Variants in DPF3 observed in about 807,000 individuals in gnomAD.
DPF3 encodes the protein zinc finger protein DPF3.
In DPF3, 18 loss-of-function variants were observed where a neutral mutation model predicts 56.8. That is an observed-to-expected ratio of 0.32 (90% CI 0.22 to 0.47). The LOEUF is 0.47. DPF3 is among the 20% of genes least tolerant of loss of function. DPF3 has a pLI of 1.00. For synonymous variants in DPF3, 188 were observed against 180.2 expected, an observed-to-expected ratio of 1.04 and a Z score of -0.35; for missense variants, 403 against 488.8, an observed-to-expected ratio of 0.82 and a Z score of 1.65.
intron 1 of DPF3, among the ~76,000 whole-genome samples, chr14:72,858,592 G>A (rs944900118): frequency 1.3e-5 from 2 of 152,162 alleles, no homozygotes; most frequent in African/African-American, 2.4e-5. Context: ...GATAGGGGGT[G>A]GGGGAATGTA....
chr14:72,726,156 G>C (rs1016050060), intron 4 of DPF3, among the ~76,000 whole-genome samples: 9 of 152,212 alleles, frequency 5.9e-5, no homozygotes, highest in African/African-American at 2.2e-4. Context: ...CAAAGACATA[G>C]TATAAATATA....
intron 8 of DPF3, among the ~76,000 whole-genome samples, chr14:72,656,891 G>GACT (rs774233130): frequency 6.6e-6 from 1 of 152,166 alleles, no homozygotes; most frequent in Non-Finnish European, 1.5e-5. Flanking sequence ...AACTTAGCTT[G>GACT]ACTACTACCA....
intron 8 of DPF3, chr14:72,670,183 G>A: frequency 1.0e-6 from 1 of 985,984 alleles, no homozygotes; most frequent in South Asian, 4.7e-5. Flanking sequence ...CAAGGGGAGG[G>A]GAAACACACG....
intron 2 of DPF3, among the ~76,000 whole-genome samples, chr14:72,755,178 G>C (rs540209475): frequency 6.6e-6 from 1 of 152,198 alleles, no homozygotes; most frequent in Non-Finnish European, 1.5e-5. Flanking sequence ...ATCAAACACA[G>C]GTAAGTAAGA....
chr14:72,863,146 A>ATGTG (rs57171669), intron 1 of DPF3, among the ~76,000 whole-genome samples: 4,103 of 140,576 alleles, frequency 0.029, 117 homozygotes, highest in African/African-American at 0.054. Flanking sequence ...GTATATATAT[A>ATGTG]TGTGTGTGTG....
chr14:72,768,198 T>C (rs1891371045), intron 2 of DPF3, among the ~76,000 whole-genome samples: 1 of 152,188 alleles, frequency 6.6e-6, no homozygotes, highest in Non-Finnish European at 1.5e-5. Context: ...ATCTTGGAAC[T>C]TCAGTAAGTA....
chr14:72,704,564 A>C (rs1167338212), intron 6 of DPF3, among the ~76,000 whole-genome samples: 1 of 152,118 alleles, frequency 6.6e-6, no homozygotes, highest in Non-Finnish European at 1.5e-5. Flanking sequence ...CTACAATGTC[A>C]GTGTAAGCTC....
At chr14:72,622,286 C>T (rs767936980) in intron 9 of DPF3, among the ~76,000 whole-genome samples, 2 of 152,114 alleles carry the variant, frequency 1.3e-5, no homozygotes, top group Non-Finnish European at 2.9e-5. Context: ...GGTACTCCAA[C>T]TTTACAGGAC....
chr14:72,703,400 G>C (rs1356544221), intron 6 of DPF3, among the ~76,000 whole-genome samples: 1 of 152,130 alleles, frequency 6.6e-6, no homozygotes, highest in African/African-American at 2.4e-5. Flanking sequence ...TCAAGGGAGA[G>C]TGTCCTGCTT....
In DPF3 at chr14:72,893,423, C is replaced by A. The variant is rs1052905538; in HGVS notation, c.32+634G>T. On this transcript the variant is annotated intron_variant, in intron 1 of 10. Coordinates refer to ENST00000556509, the MANE Select transcript of DPF3 (RefSeq NM_001280542.3). ...GAGATCCGGGGGCTGCCGGGGAAAG[C>A]CCGGGGCGACCACCTGGGCCCCAGC... Among the ~76,000 whole-genome samples the A allele has an allele frequency of 2.6e-5, 4 of 152,230 alleles. No individual in the cohort carries two copies. The East Asian group carries it at 7.8e-4, about 30-fold the overall frequency.
At chr14:72,740,631 CACGGAGGAAT>C (rs1890085336) in intron 3 of DPF3, among the ~76,000 whole-genome samples, 1 of 152,170 alleles carries the variant, frequency 6.6e-6, no homozygotes, top group African/African-American at 2.4e-5. Flanking sequence ...AGGGTGAGTC[CACGGAGGAAT>C]GGCTCTTCAA....
chr14:72,827,436 T>C (rs928286917), intron 1 of DPF3, among the ~76,000 whole-genome samples: 1 of 151,490 alleles, frequency 6.6e-6, no homozygotes, highest in Non-Finnish European at 1.5e-5. Flanking sequence ...GCCACCTGGG[T>C]TTTTCTACTT....
chr14:72,755,579 C>G (rs1364326315), intron 2 of DPF3, among the ~76,000 whole-genome samples: 1 of 152,088 alleles, frequency 6.6e-6, no homozygotes, highest in East Asian at 1.9e-4. Flanking sequence ...TGGGGATTTG[C>G]TTATATTCAA....
chr14:72,661,428 C>T, intron 8 of DPF3: 1 of 985,322 alleles, frequency 1.0e-6, no homozygotes, highest in Non-Finnish European at 1.2e-6. Flanking sequence ...CCAGAATACC[C>T]AGCCTTAGAC....
chr14:72,854,001 A>G (rs1885084248), intron 1 of DPF3, among the ~76,000 whole-genome samples: 1 of 152,186 alleles, frequency 6.6e-6, no homozygotes, highest in African/African-American at 2.4e-5. Flanking sequence ...GAAACACCAG[A>G]AAGTCCAGAA....
intron 8 of DPF3, among the ~76,000 whole-genome samples, chr14:72,664,060 T>G (rs2037147085): frequency 6.6e-6 from 1 of 151,908 alleles, no homozygotes; most frequent in African/African-American, 2.4e-5. Flanking sequence ...CTACCCCCAC[T>G]TCCCTCATGC....
intron 1 of DPF3, among the ~76,000 whole-genome samples, chr14:72,828,766 G>A (rs1360368936): frequency 6.6e-6 from 1 of 152,112 alleles, no homozygotes; most frequent in African/African-American, 2.4e-5. Flanking sequence ...CTTTATCCTG[G>A]GGGCAATGAG....
chr14:72,871,102 A>C (rs1804236164), intron 1 of DPF3, among the ~76,000 whole-genome samples: 1 of 152,184 alleles, frequency 6.6e-6, no homozygotes, highest in African/African-American at 2.4e-5. Flanking sequence ...ATCTTGTAAG[A>C]CTTACTCACT....
At chr14:72,843,688 A>G (rs1021720963) in intron 1 of DPF3, among the ~76,000 whole-genome samples, 3 of 152,144 alleles carry the variant, frequency 2.0e-5, no homozygotes, top group East Asian at 1.9e-4. Context: ...GATTACAGGC[A>G]TGTGCCACCA....
Sources: allele counts gnomAD v4.1 joint callset (sites outside exome capture counted in the v4.1 genomes callset), GRCh38; gene constraint gnomAD v4.1.1; transcripts MANE v1.5; gene names NCBI Gene and HGNC (gene_info 2026-07-23, HGNC 2026-07-21).